Variants in LRP1B observed in about 807,000 individuals in gnomAD.
The protein encoded by LRP1B is LDL receptor related protein 1B.
LRP1B carries 217 observed loss-of-function variants against 556.6 expected under a neutral mutation model. That is an observed-to-expected ratio of 0.39 (90% CI 0.35 to 0.44). The LOEUF (loss-of-function observed/expected upper bound fraction) is 0.44. LRP1B is among the 20% of genes least tolerant of loss of function. The pLI, the probability that LRP1B is intolerant of heterozygous loss-of-function variation, is 1.00. For synonymous variants in LRP1B, 2,047 were observed against 1,865.8 expected, an observed-to-expected ratio of 1.10 and a Z score of -2.50; for missense variants, 5,053 against 5,620.8, an observed-to-expected ratio of 0.90 and a Z score of 3.23.
At chr2:141,103,970 C>T (rs1051427269) in intron 7 of LRP1B, among the ~76,000 whole-genome samples, 3 of 151,862 alleles carry the variant, frequency 2.0e-5, no homozygotes, top group East Asian at 1.9e-4. Context: ...ATGTTTTTCA[C>T]GTTCGACATA....
chr2:140,881,583 T>C (rs932367244), intron 25 of LRP1B, among the ~76,000 whole-genome samples: 1 of 152,104 alleles, frequency 6.6e-6, no homozygotes, highest in African/African-American at 2.4e-5. Flanking sequence ...TTAGTAGTTA[T>C]CCAAACTCTA....
At chr2:140,265,872 G>T (rs1160172162) in intron 86 of LRP1B, among the ~76,000 whole-genome samples, 1 of 151,900 alleles carries the variant, frequency 6.6e-6, no homozygotes, top group African/African-American at 2.4e-5. Context: ...TTATTGTCCA[G>T]GGATCATTGA....
At chr2:140,812,742 TAA>T (rs1690972655) in intron 32 of LRP1B, among the ~76,000 whole-genome samples, 1 of 152,026 alleles carries the variant, frequency 6.6e-6, no homozygotes, top group Non-Finnish European at 1.5e-5. Flanking sequence ...ATAAATTGTA[TAA>T]GTTTTTAAAA....
intron 2 of LRP1B, among the ~76,000 whole-genome samples, chr2:141,571,688 AG>A (rs144132657): frequency 0.078 from 11,703 of 150,758 alleles, 553 homozygotes; most frequent in South Asian, 0.14. Flanking sequence ...CCTTGACAAA[AG>A]GTTAGAGGAA....
intron 66 of LRP1B, among the ~76,000 whole-genome samples, chr2:140,431,914 A>AC (rs1305995406): frequency 6.6e-6 from 1 of 150,574 alleles, no homozygotes; most frequent in Non-Finnish European, 1.5e-5. Flanking sequence ...TCTCCATACC[A>AC]CCCCCAAAAA....
At chr2:141,720,265 T>C (rs958542933) in intron 2 of LRP1B, among the ~76,000 whole-genome samples, 7 of 152,186 alleles carry the variant, frequency 4.6e-5, no homozygotes, top group African/African-American at 1.7e-4. Context: ...TGCTTCTTTT[T>C]ATAGTTCTTC....
chr2:140,685,684 A>G (rs1686022264), intron 41 of LRP1B, among the ~76,000 whole-genome samples: 1 of 152,204 alleles, frequency 6.6e-6, no homozygotes, highest in Non-Finnish European at 1.5e-5. Context: ...TGAAGCTTTC[A>G]GACAAGTCCC....
chr2:141,639,353 C>T (rs989941120), intron 2 of LRP1B, among the ~76,000 whole-genome samples: 1 of 74,500 alleles, frequency 1.3e-5, no homozygotes, highest in Admixed American at 1.5e-4. Context: ...TATATATACA[C>T]ACACACACAC....
intron 3 of LRP1B, among the ~76,000 whole-genome samples, chr2:141,309,080 C>A (rs1686712941): frequency 6.6e-6 from 1 of 152,114 alleles, no homozygotes; most frequent in South Asian, 2.1e-4. Context: ...CATGGTTTGG[C>A]AAATCTTGTA....
intron 41 of LRP1B, among the ~76,000 whole-genome samples, chr2:140,618,572 G>A (rs1683337007): frequency 6.6e-6 from 1 of 152,114 alleles, no homozygotes; most frequent in Non-Finnish European, 1.5e-5. Context: ...ATCTCTTCAT[G>A]CCATGCCAGA....
In LRP1B at chr2:141,190,481, T is replaced by G. The variant is rs1160123136; in HGVS notation, c.851-1898A>C. 2.0e-5 allele frequency among the ~76,000 whole-genome samples: 3 copies of G among 152,004 alleles called. No individual in the cohort carries two copies. In the East Asian group the frequency reaches 5.8e-4, roughly 29 times the overall value. On this transcript the variant is annotated intron_variant, in intron 6 of 90. Coordinates refer to ENST00000389484, the MANE Select transcript of LRP1B (RefSeq NM_018557.3). The stretch of plus-strand genomic sequence containing the variant: ...AAATTGCATGTTAATTTGTAGATAC[T>G]TCTCTGATAAAAATGATAAATTCAA...
chr2:141,186,096 A>AAAC, intron 7 of LRP1B, among the ~76,000 whole-genome samples: 1 of 151,196 alleles, frequency 6.6e-6, no homozygotes, highest in Non-Finnish European at 1.5e-5. Flanking sequence ...AAAAAAAAAA[A>AAAC]AAACCAGTAT....
intron 6 of LRP1B, among the ~76,000 whole-genome samples, chr2:141,193,567 T>C (rs1681612454): frequency 6.6e-6 from 1 of 151,740 alleles, no homozygotes; most frequent in Admixed American, 6.6e-5. Context: ...AAGGGAACAA[T>C]AGACACTGGA....
chr2:141,775,222 A>T (rs900899209), intron 2 of LRP1B, among the ~76,000 whole-genome samples: 4 of 152,226 alleles, frequency 2.6e-5, no homozygotes, highest in Non-Finnish European at 5.9e-5. Context: ...TCTTGGAGCT[A>T]TTTCACAGCT....
At chr2:141,254,263 G>A (rs1174389085) in intron 4 of LRP1B, among the ~76,000 whole-genome samples, 1 of 152,080 alleles carries the variant, frequency 6.6e-6, no homozygotes. Context: ...TTAGATCAAT[G>A]TGTTAGTGGT....
Position 140,473,451 on chromosome 2 carries a change from C to T in LRP1B, c.9625+1687G>A, listed in dbSNP as rs76436665. Among the ~76,000 whole-genome samples the T allele has an allele frequency of 9.2e-3, 1,393 of 152,048 alleles. 23 individuals carry two copies. The highest frequency in any genetic ancestry group is 0.032 in the African/African-American group (1,326 of 41,520). ...CCATTTCTACCTGTTACACATGTCT[C>T]TCTATCCAAAGTCACCACCAGTGTT... On this transcript the variant is annotated intron_variant, in intron 60 of 90. Coordinates refer to ENST00000389484, the MANE Select transcript of LRP1B (RefSeq NM_018557.3).
chr2:141,994,028 A>T, intron 1 of LRP1B, among the ~76,000 whole-genome samples: 1 of 152,182 alleles, frequency 6.6e-6, no homozygotes, highest in East Asian at 1.9e-4. Flanking sequence ...CTGATTTGTT[A>T]TAAGTCAAGA....
intron 2 of LRP1B, among the ~76,000 whole-genome samples, chr2:141,648,364 C>A (rs889937957): frequency 6.6e-6 from 1 of 152,028 alleles, no homozygotes; most frequent in East Asian, 1.9e-4. Flanking sequence ...CTATAGTAAT[C>A]CTTCATTCCC....
intron 7 of LRP1B, among the ~76,000 whole-genome samples, chr2:141,151,386 C>A (rs1701920213): frequency 6.6e-6 from 1 of 152,232 alleles, no homozygotes; most frequent in Admixed American, 6.5e-5. Context: ...CCCAAGAAAG[C>A]AGGACTTCCT....
Sources: gnomAD v4.1 joint callset for allele counts (sites outside exome capture counted in the v4.1 genomes callset) on GRCh38, gnomAD v4.1.1 for gene constraint, MANE v1.5 for transcripts, NCBI Gene and HGNC (gene_info 2026-07-23, HGNC 2026-07-21) for gene names.